The following CEP112 variants were observed in gnomAD, a reference collection of about 807,000 sequenced individuals.
CEP112 encodes centrosomal protein 112.
In CEP112, 127 loss-of-function variants were observed where a neutral mutation model predicts 153.0. The observed-to-expected ratio is 0.83, with a 90% CI of 0.72 to 0.96. The LOEUF is 0.96. Ranked by LOEUF, CEP112 falls within the 40% of genes least tolerant of loss-of-function variation. CEP112 has a pLI of 0.00. For synonymous variants in CEP112, 358 were observed against 374.4 expected (o/e 0.96, Z 0.51); for missense variants, 1,089 against 1,101.2 (o/e 0.99, Z 0.16).
chr17:66,176,665 A>G (rs2072489097), intron 3 of CEP112, 165 bp downstream of exon 3: 1 of 470,498 alleles, frequency 2.1e-6, no homozygotes, highest in Non-Finnish European at 3.7e-6. Flanking sequence ...CAATACATGT[A>G]TTTTATTAAA....
chr17:65,845,759 A>G (rs2146259737), intron 21 of CEP112, among the ~76,000 whole-genome samples: 1 of 152,282 alleles, frequency 6.6e-6, no homozygotes, highest in South Asian at 2.1e-4. Context: ...CTTTGTTTCA[A>G]TTAGGTTTGA....
chr17:65,742,282 G>T lies in CEP112; in HGVS notation c.2607+786C>A, dbSNP rs565964289. On this transcript the variant is annotated intron_variant, in intron 23 of 26. Coordinates refer to ENST00000535342, the MANE Select transcript of CEP112 (RefSeq NM_001199165.4). The stretch of plus-strand genomic sequence containing the variant: ...TTTGCTTTGTATGATTACTCCACAC[G>T]CTTTAAGTATTGTTATGTCAAACTA... Among the ~76,000 whole-genome samples the T allele has an allele frequency of 3.3e-5, 5 of 152,174 alleles. No individual in the cohort carries two copies. In the East Asian group the frequency reaches 9.6e-4, roughly 29 times the overall value.
chr17:65,917,321 G>T (rs1382809143), intron 19 of CEP112, among the ~76,000 whole-genome samples: 1 of 151,842 alleles, frequency 6.6e-6, no homozygotes, highest in East Asian at 1.9e-4. Flanking sequence ...AAAAGAGTAT[G>T]ATAAGGTAAG....
At chr17:65,872,891 A>G (rs891781441) in intron 20 of CEP112, 1 of 152,220 alleles carries the variant, frequency 6.6e-6, no homozygotes, top group Non-Finnish European at 1.5e-5. Context: ...CTACTAGTCC[A>G]TATTCAATGG....
intron 18 of CEP112, among the ~76,000 whole-genome samples, chr17:65,933,288 G>A (rs2061189325): frequency 6.6e-6 from 1 of 152,170 alleles, no homozygotes; most frequent in African/African-American, 2.4e-5. Context: ...ATGGCTGAAA[G>A]CTTCCCAAAT....
intron 21 of CEP112, among the ~76,000 whole-genome samples, chr17:65,768,594 C>A (rs184650788): frequency 1.3e-5 from 2 of 152,178 alleles, no homozygotes; most frequent in African/African-American, 4.8e-5. Context: ...AACAACACAT[C>A]AATACATCGT....
intron 17 of CEP112, among the ~76,000 whole-genome samples, chr17:65,992,845 G>T (rs998140469): frequency 3.3e-5 from 5 of 152,154 alleles, no homozygotes; most frequent in African/African-American, 1.2e-4. Flanking sequence ...ATTTAACCTA[G>T]CTCTCCCTGT....
chr17:66,000,435 G>A (rs762953146), intron 17 of CEP112, among the ~76,000 whole-genome samples: 3 of 150,584 alleles, frequency 2.0e-5, no homozygotes, highest in Non-Finnish European at 3.0e-5. Context: ...TGGGCGGGGT[G>A]AGGCAGCTGC....
intron 21 of CEP112, among the ~76,000 whole-genome samples, chr17:65,751,916 A>G (rs2051877629): frequency 6.6e-6 from 1 of 152,150 alleles, no homozygotes; most frequent in African/African-American, 2.4e-5. Flanking sequence ...GTGCTCCACC[A>G]GTGAGAGCAC....
intron 20 of CEP112, among the ~76,000 whole-genome samples, chr17:65,866,472 T>A (rs1251954440): frequency 4.6e-5 from 7 of 152,174 alleles, no homozygotes; most frequent in African/African-American, 1.7e-4. Flanking sequence ...GGTGGGTCCC[T>A]GGTGAAGCCC....
At chr17:66,025,487 A>G (rs946800265) in intron 16 of CEP112, among the ~76,000 whole-genome samples, 1 of 152,102 alleles carries the variant, frequency 6.6e-6, no homozygotes, top group African/African-American at 2.4e-5. Context: ...TAAAGTGGAC[A>G]AAGGGCATGA....
At chr17:65,996,279 A>AC (rs1023328979) in intron 17 of CEP112, among the ~76,000 whole-genome samples, 4 of 149,580 alleles carry the variant, frequency 2.7e-5, no homozygotes, top group Admixed American at 6.7e-5. Flanking sequence ...AAGCCCAAAA[A>AC]CCCCCCCATT....
chr17:65,686,060 T>C (rs966645714), intron 24 of CEP112, among the ~76,000 whole-genome samples: 7 of 151,722 alleles, frequency 4.6e-5, no homozygotes, highest in African/African-American at 1.2e-4. Context: ...TATGGATGAA[T>C]AGTATTTGTT....
intron 21 of CEP112, among the ~76,000 whole-genome samples, chr17:65,818,237 T>G (rs1376486326): frequency 6.6e-6 from 1 of 151,884 alleles, no homozygotes; most frequent in Non-Finnish European, 1.5e-5. Flanking sequence ...TATACAAATA[T>G]ATTTACTTTG....
At chr17:66,184,185 A>G (rs1482143555) in intron 1 of CEP112, among the ~76,000 whole-genome samples, 1 of 152,128 alleles carries the variant, frequency 6.6e-6, no homozygotes, top group Non-Finnish European at 1.5e-5. Context: ...TGAAAGTGTG[A>G]GAGGTAAAGG....
intron 17 of CEP112, among the ~76,000 whole-genome samples, chr17:65,980,800 C>A (rs972197602): frequency 6.6e-6 from 1 of 151,810 alleles, no homozygotes; most frequent in African/African-American, 2.4e-5. Context: ...TTGAGGGGGA[C>A]AGAGTCTCAC....
intron 16 of CEP112, 67 bp downstream of exon 16, chr17:66,027,434 A>C (rs12449542): frequency 0.11 from 136,051 of 1,251,000 alleles, 8,473 homozygotes; most frequent in Middle Eastern, 0.15. Context: ...GGTTTCATAA[A>C]AATCAGTCTG....
chr17:65,662,016 TA>T (rs2046414878), intron 24 of CEP112, among the ~76,000 whole-genome samples: 1 of 152,162 alleles, frequency 6.6e-6, no homozygotes, highest in Non-Finnish European at 1.5e-5. Context: ...TCACCCAGGC[TA>T]GAGTGCAGTG....
At chr17:65,678,468 A>G (rs996137213) in intron 24 of CEP112, among the ~76,000 whole-genome samples, 7 of 152,204 alleles carry the variant, frequency 4.6e-5, no homozygotes, top group African/African-American at 1.7e-4. Context: ...GATCGAAAAC[A>G]TAATTTTTAA....
Sources: allele counts gnomAD v4.1 joint callset (sites outside exome capture counted in the v4.1 genomes callset), GRCh38; gene constraint gnomAD v4.1.1; transcripts MANE v1.5; gene names NCBI Gene and HGNC (gene_info 2026-07-23, HGNC 2026-07-21).